ADGRG7: variants seen among roughly 807,000 people sequenced by gnomAD.
ADGRG7 encodes adhesion G protein-coupled receptor G7.
A neutral mutation model predicts 88.6 loss-of-function variants in ADGRG7; 82 were observed. The observed-to-expected ratio is 0.93, with a 90% CI of 0.77 to 1.11. The LOEUF (loss-of-function observed/expected upper bound fraction) is 1.11. Among genes scored for constraint, ADGRG7 ranks in the 50% most tolerant of loss-of-function variants. The pLI is 0.00. For synonymous variants in ADGRG7, 381 were observed against 345.2 expected, an observed-to-expected ratio of 1.10 and a Z score of -1.15; for missense variants, 945 against 953.4, an observed-to-expected ratio of 0.99 and a Z score of 0.12.
At chr3:100,610,452 C>A (rs568695525) in intron 1 of ADGRG7, among the ~76,000 whole-genome samples, 2 of 152,274 alleles carry the variant, frequency 1.3e-5, no homozygotes, top group African/African-American at 4.8e-5. Flanking sequence ...GTGAAATGAT[C>A]TCATGGTTTG....
chr3:100,629,486 G>A, intron 1 of ADGRG7, 112 bp from the exon 2 acceptor site: 2 of 653,128 alleles, frequency 3.1e-6, no homozygotes, highest in Non-Finnish European at 5.5e-6. Context: ...ATATTTCTCA[G>A]CAATGATACT....
At chr3:100,664,488 A>G (rs2094949411) in intron 14 of ADGRG7, among the ~76,000 whole-genome samples, 1 of 152,166 alleles carries the variant, frequency 6.6e-6, no homozygotes, top group Admixed American at 6.5e-5. Context: ...ATTGATGAAC[A>G]TAGTTTCTAG....
At chr3:100,641,924 G>A (rs1473441585) in intron 6 of ADGRG7, among the ~76,000 whole-genome samples, 2 of 152,212 alleles carry the variant, frequency 1.3e-5, no homozygotes, top group African/African-American at 2.4e-5. Context: ...AGAATCTGAT[G>A]ACTTATTTTA....
intron 10 of ADGRG7, 81 bp from the exon 11 acceptor site, chr3:100,649,614 C>A: frequency 1.5e-6 from 1 of 684,488 alleles, no homozygotes; most frequent in Non-Finnish European, 2.5e-6. Flanking sequence ...TTATTTTGAC[C>A]CATGTAACTC....
intron 1 of ADGRG7, among the ~76,000 whole-genome samples, chr3:100,626,192 C>T (rs1182045318): frequency 2.6e-5 from 4 of 152,042 alleles, no homozygotes; most frequent in African/African-American, 9.7e-5. Flanking sequence ...TTTCAGAGCT[C>T]GTTATTGACC....
At chr3:100,629,422 T>C (rs949208133) in intron 1 of ADGRG7, among the ~76,000 whole-genome samples, 176 bp from the exon 2 acceptor site, 25 of 152,114 alleles carry the variant, frequency 1.6e-4, no homozygotes, top group African/African-American at 5.3e-4. Context: ...GTAAGCATTG[T>C]ACATCTAGTG....
intron 1 of ADGRG7, among the ~76,000 whole-genome samples, chr3:100,617,769 A>G (rs1707246496): frequency 6.6e-6 from 1 of 152,182 alleles, no homozygotes; most frequent in African/African-American, 2.4e-5. Context: ...TTCTAGTTCT[A>G]GATCCCTGAG....
At chr3:100,678,050 G>C (rs1247341900) in intron 15 of ADGRG7, among the ~76,000 whole-genome samples, 2 of 151,934 alleles carry the variant, frequency 1.3e-5, no homozygotes, top group East Asian at 1.9e-4. Flanking sequence ...CAGGCTAATA[G>C]CTCTTAGATT....
In ADGRG7 at chr3:100,629,730, T is replaced by C. The variant is rs1362726017; in HGVS notation, c.229+19T>C. The C allele has an allele frequency of 6.7e-7, 1 of 1,491,226 alleles. No homozygotes were observed. Among genetic ancestry groups the C allele is most frequent in the South Asian group, 1.1e-5 (1 of 88,344 alleles). The allele number at this position is 1,491,226 out of a possible 1,614,324, so 92.4% of individuals were successfully genotyped here. A position where few individuals can be genotyped will look rare whatever the true frequency, so the allele number is the denominator to read the frequency against. On this transcript the variant is annotated intron_variant, in intron 2 of 15. Coordinates refer to ENST00000273352, the MANE Select transcript of ADGRG7 (RefSeq NM_032787.3). ...ACAATTGGTAAATTACTTGGGATAA[T>C]GCTAAAGTGTAAGGTTTACGTCACT...
At chr3:100,666,054 C>CT (rs1205474471) in intron 14 of ADGRG7, among the ~76,000 whole-genome samples, 2,396 of 141,660 alleles carry the variant, frequency 0.017, 43 homozygotes, top group African/African-American at 0.05. Flanking sequence ...GGATGACTCA[C>CT]TTTTTTTTTT....
At chr3:100,660,276 CAATAGCACT>C (rs1266557070) in intron 14 of ADGRG7, among the ~76,000 whole-genome samples, 4 of 152,148 alleles carry the variant, frequency 2.6e-5, no homozygotes, top group Admixed American at 2.6e-4. Context: ...TTGAATTACA[CAATAGCACT>C]AAAATTTCTT....
chr3:100,620,046 T>C (rs1213049538), intron 1 of ADGRG7, among the ~76,000 whole-genome samples: 1 of 152,208 alleles, frequency 6.6e-6, no homozygotes, highest in African/African-American at 2.4e-5. Context: ...GAATCCTCCC[T>C]AGCTCATTTT....
rs974020028 is a variant in ADGRG7 at position 100,626,881 on chromosome 3, A to G, written c.116-2717A>G. Among the ~76,000 whole-genome samples the G allele has an allele frequency of 4.6e-5, 7 of 152,248 alleles. No individual in the cohort carries two copies. In the South Asian group the frequency reaches 6.2e-4, roughly 13 times the overall value. On this transcript the variant is annotated intron_variant, in intron 1 of 15. Coordinates refer to ENST00000273352, the MANE Select transcript of ADGRG7 (RefSeq NM_032787.3). ...ATAATTTTTGATGCTATTTTAAATG[A>G]AAATGATTTATGCTTTTATATTTCA...
intron 1 of ADGRG7, among the ~76,000 whole-genome samples, chr3:100,610,585 C>T (rs1268438860): frequency 1.3e-5 from 2 of 152,084 alleles, no homozygotes; most frequent in Non-Finnish European, 2.9e-5. Context: ...CAGAGCTGGC[C>T]TGGAAAAGGA....
At chr3:100,617,252 G>A (rs541856837) in intron 1 of ADGRG7, among the ~76,000 whole-genome samples, 6 of 151,756 alleles carry the variant, frequency 4.0e-5, no homozygotes, top group African/African-American at 1.4e-4. Flanking sequence ...TAAGTTTTAG[G>A]GTACATGTGC....
At chr3:100,660,453 C>A (rs2094943739) in intron 14 of ADGRG7, among the ~76,000 whole-genome samples, 1 of 152,056 alleles carries the variant, frequency 6.6e-6, no homozygotes, top group Non-Finnish European at 1.5e-5. Flanking sequence ...TACAGGCACA[C>A]AATACCATGC....
intron 15 of ADGRG7, among the ~76,000 whole-genome samples, chr3:100,688,417 G>A (rs1378514511): frequency 1.3e-5 from 2 of 152,060 alleles, no homozygotes; most frequent in African/African-American, 4.8e-5. Context: ...GCCTTCTGCT[G>A]GCTTTTGAAT....
intron 1 of ADGRG7, among the ~76,000 whole-genome samples, chr3:100,617,177 C>T (rs1707237978): frequency 6.6e-6 from 1 of 151,854 alleles, no homozygotes; most frequent in Non-Finnish European, 1.5e-5. Context: ...AAAAAGAGTC[C>T]CCCAAAATAA....
intron 14 of ADGRG7, among the ~76,000 whole-genome samples, chr3:100,663,215 A>G (rs1474474538): frequency 6.6e-6 from 1 of 152,124 alleles, no homozygotes; most frequent in African/African-American, 2.4e-5. Flanking sequence ...TAAAACTAAA[A>G]CATGCAAGAA....
Sources: gnomAD v4.1 joint callset for allele counts (sites outside exome capture counted in the v4.1 genomes callset) on GRCh38, gnomAD v4.1.1 for gene constraint, MANE v1.5 for transcripts, NCBI Gene and HGNC (gene_info 2026-07-23, HGNC 2026-07-21) for gene names.